WDR35: variants seen among roughly 807,000 people sequenced by gnomAD.
WDR35 encodes WD repeat domain 35.
In WDR35, 118 loss-of-function variants were observed where a neutral mutation model predicts 158.3. The ratio of observed to expected loss-of-function variants is 0.75; its 90% CI spans 0.64 to 0.87. The LOEUF (loss-of-function observed/expected upper bound fraction) is 0.87, where lower values mean the gene tolerates loss of function less well. WDR35 is among the 40% of genes least tolerant of loss of function. The pLI is 0.00. For missense variants in WDR35, 1,263 were observed against 1,405.8 expected (o/e 0.90, Z 1.62); for synonymous variants, 448 against 476.1 (o/e 0.94, Z 0.77).
At chr2:19,930,940 G>T (rs772513657) in intron 24 of WDR35, among the ~76,000 whole-genome samples, 1 of 152,030 alleles carries the variant, frequency 6.6e-6, no homozygotes, top group Non-Finnish European at 1.5e-5. Context: ...ATTCATTTAC[G>T]CATTACAACA....
chr2:19,936,318 ACT>A lies in WDR35; in HGVS notation c.2313_2314del (p.Arg771SerfsTer11). 2 of 1,613,980 alleles carry A rather than the reference ACT, an allele frequency of 1.2e-6. No homozygotes were observed. Among genetic ancestry groups the A allele is most frequent in the Non-Finnish European group, 1.7e-6 (2 of 1,179,932 alleles). On this transcript the variant is annotated frameshift_variant, in exon 20 of 27. Transcript: ENST00000281405. LOFTEE classifies it high-confidence loss of function. ...AGATCCAGTTTTCAGGAGCTGGAGTACTCTAAACCAATCCCCCAATTTCAGCC... is the reference window on the plus strand; with the variant it reads ...AGATCCAGTTTTCAGGAGCTGGAGTACTAAACCAATCCCCCAATTTCAGCC...
At chr2:19,975,488 T>C (rs954794817) in intron 6 of WDR35, 42 bp downstream of exon 6, 5 of 1,583,706 alleles carry the variant, frequency 3.2e-6, no homozygotes, top group Admixed American at 1.7e-5. Flanking sequence ...ACGATAATCA[T>C]ATAAAATTGT....
chr2:19,925,755 T>C (rs1317742678), intron 25 of WDR35, among the ~76,000 whole-genome samples: 1 of 152,206 alleles, frequency 6.6e-6, no homozygotes, highest in African/African-American at 2.4e-5. Flanking sequence ...AGAACAATTA[T>C]ATAGCCCTCA....
chr2:19,926,586 G>A (rs993037749), intron 25 of WDR35, among the ~76,000 whole-genome samples: 3 of 152,200 alleles, frequency 2.0e-5, no homozygotes, highest in African/African-American at 7.2e-5. Context: ...GAGAGACAGG[G>A]ATTATGGGAC....
chr2:19,935,697 C>A, intron 20 of WDR35, 94 bp from the exon 21 acceptor site: 1 of 1,409,206 alleles, frequency 7.1e-7, no homozygotes. Context: ...TCATAATTCC[C>A]AGTACTAGTA....
chr2:19,964,406 C>CA (rs1671775360), intron 10 of WDR35, among the ~76,000 whole-genome samples: 1 of 117,300 alleles, frequency 8.5e-6, no homozygotes, highest in Non-Finnish European at 1.6e-5. Flanking sequence ...TCTTTGGAGA[C>CA]AGAGTCTTAC....
At chr2:19,935,195 T>A (rs1166146978) in intron 21 of WDR35, 1 of 208,654 alleles carries the variant, frequency 4.8e-6, no homozygotes, top group Non-Finnish European at 9.3e-6. Flanking sequence ...TGTATTCAGC[T>A]AACATTTAAA....
In WDR35 at chr2:19,941,805, A is replaced by G; in HGVS notation, c.1880T>C (p.Phe627Ser). Residue 627 changes from phenylalanine to serine, a missense_variant, in exon 17 of 27, where the codon TTT (phenylalanine) becomes TCT (serine). Physicochemically the swap from Phe to Ser is radical, Grantham distance 155. Coordinates refer to ENST00000281405, the MANE Select transcript of WDR35 (RefSeq NM_020779.4). ...PIQTSGYICN[F>S]EDLEIKSVLL... ...AACAGATTTAATTTCTAAATCCTCA[A>G]AATTACAAATATATCCAGAGGTCTG... The G allele has an allele frequency of 6.3e-7, 1 of 1,575,312 alleles. No homozygotes were observed. The highest frequency in any genetic ancestry group is 8.7e-7 in the Non-Finnish European group (1 of 1,153,036).
rs4666351 is a variant in WDR35, at chr2:19,965,371, C to T, written c.1194+1353G>A. 1.4e-3 allele frequency among the ~76,000 whole-genome samples: 217 copies of T among 152,308 alleles called. 2 individuals carry two copies. The highest frequency in any genetic ancestry group is 0.011 in the Admixed American group (171 of 15,284). On this transcript the variant is annotated intron_variant, in intron 10 of 26. Coordinates refer to ENST00000281405, the MANE Select transcript of WDR35 (RefSeq NM_020779.4). ...AAGAGTCAGACATTGAAAAGCTGTT[C>T]GGAACAGAGTTGTCTATAAGTGAGC...
intron 4 of WDR35, among the ~76,000 whole-genome samples, 185 bp downstream of exon 4, chr2:19,980,506 T>C (rs1672350823): frequency 6.6e-6 from 1 of 152,126 alleles, no homozygotes; most frequent in South Asian, 2.1e-4. Flanking sequence ...AATAACAGGG[T>C]TAAAGTTTTA....
At chr2:19,984,026 TATATATATATATATAC>T (rs1296880777) in intron 2 of WDR35, among the ~76,000 whole-genome samples, 27 of 3,994 alleles carry the variant, frequency 6.8e-3, no homozygotes, top group South Asian at 0.038. Flanking sequence ...TATATATATA[TATATATATATATATAC>T]ATATATACAC....
At position 19,910,569 on chromosome 2, in the gene WDR35, G is replaced by A. The variant is rs886055392; in HGVS notation, c.*2989C>T. Reference sequence around the variant, plus strand: ...AAAAAACAACTTGGCATTACTCAACGGGAAGTCAGTACATGTTTTTTGCAA... The same window carrying A: ...AAAAAACAACTTGGCATTACTCAACAGGAAGTCAGTACATGTTTTTTGCAA... On this transcript the variant is annotated 3_prime_UTR_variant, in exon 27 of 27. Coordinates refer to ENST00000281405, the MANE Select transcript of WDR35 (RefSeq NM_020779.4). 3.9e-5 allele frequency: 6 copies of A among 152,128 alleles called. No homozygotes were observed. Among genetic ancestry groups the A allele is most frequent in the African/African-American group, 4.8e-5 (2 of 41,422 alleles). 9.4% of individuals were successfully genotyped at this position (152,128 alleles called of 1,614,324 possible). A position where few individuals can be genotyped will look rare whatever the true frequency, so the allele number is the denominator to read the frequency against.
intron 25 of WDR35, among the ~76,000 whole-genome samples, chr2:19,917,227 C>G (rs1256396445): frequency 6.6e-6 from 1 of 152,114 alleles, no homozygotes; most frequent in Non-Finnish European, 1.5e-5. Flanking sequence ...ACTCAGAGAC[C>G]CCATCCGAAG....
chr2:19,979,489 T>C (rs1415061228), intron 4 of WDR35, among the ~76,000 whole-genome samples: 2 of 152,194 alleles, frequency 1.3e-5, no homozygotes, highest in Non-Finnish European at 2.9e-5. Flanking sequence ...GACAAAAATA[T>C]TCTAGTTGTA....
At chr2:19,969,784 C>G (rs1322767593) in intron 8 of WDR35, among the ~76,000 whole-genome samples, 179 bp from the exon 9 acceptor site, 3 of 148,076 alleles carry the variant, frequency 2.0e-5, no homozygotes, top group African/African-American at 7.5e-5. Flanking sequence ...ATTTCTCACT[C>G]TCACCCAGGC....
chr2:19,984,257 G>T (rs1402330624), intron 2 of WDR35, among the ~76,000 whole-genome samples: 1 of 152,138 alleles, frequency 6.6e-6, no homozygotes, highest in African/African-American at 2.4e-5. Context: ...CTTGCTGGAA[G>T]CAACTCCGTA....
At position 19,936,205 on chromosome 2, in the gene WDR35, G is replaced by A. The variant is rs761124262; in HGVS notation, c.2414+14C>T. 1 of 1,613,756 alleles carries A rather than the reference G, an allele frequency of 6.2e-7. No individual in the cohort carries two copies. Among genetic ancestry groups the A allele is most frequent in the Admixed American group, 1.7e-5 (1 of 59,930 alleles). On this transcript the variant is annotated intron_variant, in intron 20 of 26. Transcript: ENST00000281405. ...TTGCATGAATGCTTGAGGAGCTCCAGGTAAGTTACATACCACTTTTGTCGA... is the reference window on the plus strand; with the variant it reads ...TTGCATGAATGCTTGAGGAGCTCCAAGTAAGTTACATACCACTTTTGTCGA...
At chr2:19,965,888 T>C (rs930694233) in intron 10 of WDR35, among the ~76,000 whole-genome samples, 2 of 152,224 alleles carry the variant, frequency 1.3e-5, no homozygotes, top group Admixed American at 6.5e-5. Flanking sequence ...TCTTTGGGAT[T>C]CCGTGATCTA....
In WDR35 at chr2:19,953,911, C is replaced by T; in HGVS notation, c.1323G>A (p.Trp441Ter). 1 of 1,614,098 alleles carries T rather than the reference C, an allele frequency of 6.2e-7. No individual in the cohort carries two copies. Among genetic ancestry groups the T allele is most frequent in the Non-Finnish European group, 8.5e-7 (1 of 1,179,992 alleles). Residue 441 changes from tryptophan to a stop codon, truncating the protein, a stop_gained, in exon 12 of 27, where the codon TGG becomes TGA. Coordinates refer to ENST00000281405, the MANE Select transcript of WDR35 (RefSeq NM_020779.4). LOFTEE classifies it high-confidence loss of function. Reference sequence around the variant, plus strand: ...TGAGCTTCTTTGCCACACGATATTGCCAGGTATAAAATGCTTCTTTCGAGG... The same window carrying T: ...TGAGCTTCTTTGCCACACGATATTGTCAGGTATAAAATGCTTCTTTCGAGG... ...IAASKEAFYT[W>*]QYRVAKKLTA... is the part of the protein sequence containing the mutation.
Sources: gnomAD v4.1 joint callset for allele counts (sites outside exome capture counted in the v4.1 genomes callset) on GRCh38, gnomAD v4.1.1 for gene constraint, MANE v1.5 for transcripts, NCBI Gene and HGNC (gene_info 2026-07-23, HGNC 2026-07-21) for gene names.